The following LUZP2 variants were observed in gnomAD, a reference collection of about 807,000 sequenced individuals.
The protein encoded by LUZP2 is leucine zipper protein 2.
LUZP2 carries 52 observed loss-of-function variants against 51.6 expected under a neutral mutation model. The ratio of observed to expected loss-of-function variants is 1.01; its 90% CI spans 0.81 to 1.27. The LOEUF (loss-of-function observed/expected upper bound fraction) is 1.27. LUZP2 is among the 50% of genes most tolerant of loss of function. The pLI is 0.00. For synonymous variants in LUZP2, 154 were observed against 137.3 expected (o/e 1.12, Z -0.85); for missense variants, 436 against 395.4 (o/e 1.10, Z -0.87).
chr11:24,510,029 A>G (rs1406467680), intron 1 of LUZP2, among the ~76,000 whole-genome samples: 2 of 152,198 alleles, frequency 1.3e-5, no homozygotes, highest in African/African-American at 4.8e-5. Context: ...AACTCCTCAC[A>G]ACATCTTATG....
intron 7 of LUZP2, among the ~76,000 whole-genome samples, chr11:24,959,082 T>A (rs1441417204): frequency 6.6e-6 from 1 of 152,186 alleles, no homozygotes; most frequent in Non-Finnish European, 1.5e-5. Context: ...TGGCATTATT[T>A]CTGAGGGCTC....
intron 4 of LUZP2, among the ~76,000 whole-genome samples, chr11:24,751,111 A>G (rs967556681): frequency 2.6e-5 from 4 of 152,186 alleles, no homozygotes; most frequent in Non-Finnish European, 4.4e-5. Context: ...CATTAAATGC[A>G]TATTTATATT....
intron 1 of LUZP2, among the ~76,000 whole-genome samples, chr11:24,602,307 T>C (rs1853751126): frequency 6.8e-6 from 1 of 146,818 alleles, no homozygotes. Flanking sequence ...CATACATATA[T>C]ACACACATAT....
At chr11:24,918,311 A>G (rs1853868673) in intron 7 of LUZP2, among the ~76,000 whole-genome samples, 1 of 151,990 alleles carries the variant, frequency 6.6e-6, no homozygotes, top group Non-Finnish European at 1.5e-5. Context: ...TCTTTTCCTA[A>G]TTGAATACCC....
At chr11:24,877,878 G>A (rs1852322736) in intron 5 of LUZP2, among the ~76,000 whole-genome samples, 2 of 151,928 alleles carry the variant, frequency 1.3e-5, no homozygotes, top group Admixed American at 6.6e-5. Context: ...TCAGTGCCTG[G>A]CTTATTTTAC....
intron 5 of LUZP2, among the ~76,000 whole-genome samples, chr11:24,764,973 T>A (rs2134037117): frequency 6.6e-6 from 1 of 152,234 alleles, no homozygotes. Flanking sequence ...CCTACAGAAA[T>A]AATATCTGCT....
chr11:24,738,147 C>T (rs1859011393), intron 3 of LUZP2, 74 bp from the exon 4 acceptor site: 27 of 1,058,956 alleles, frequency 2.5e-5, no homozygotes, highest in South Asian at 4.5e-5. Context: ...AAAGCTCCTT[C>T]CTTTTATAAT....
intron 9 of LUZP2, among the ~76,000 whole-genome samples, chr11:24,996,306 A>G (rs901951928): frequency 1.3e-5 from 2 of 150,772 alleles, no homozygotes; most frequent in African/African-American, 2.4e-5. Context: ...TATTTCCTCT[A>G]TCTTTCTCTC....
intron 1 of LUZP2, among the ~76,000 whole-genome samples, chr11:24,623,437 T>G (rs1854571801): frequency 6.6e-6 from 1 of 152,168 alleles, no homozygotes; most frequent in Admixed American, 6.5e-5. Context: ...ATATAGAAGT[T>G]GAATGGAATT....
chr11:25,001,431 C>G (rs143292281), intron 9 of LUZP2, among the ~76,000 whole-genome samples: 30 of 152,132 alleles, frequency 2.0e-4, no homozygotes, highest in African/African-American at 7.0e-4. Context: ...CTAGATTTGT[C>G]AGACCTTTGT....
At chr11:25,059,047 A>T (rs1226215972) in intron 10 of LUZP2, among the ~76,000 whole-genome samples, 1 of 152,142 alleles carries the variant, frequency 6.6e-6, no homozygotes, top group African/African-American at 2.4e-5. Flanking sequence ...AGCTTGTCCC[A>T]TCTCTTATTT....
chr11:24,782,513 T>C (rs556235073), intron 5 of LUZP2, among the ~76,000 whole-genome samples: 25 of 152,090 alleles, frequency 1.6e-4, no homozygotes, highest in African/African-American at 6.0e-4. Context: ...AAATAGAGCA[T>C]CTGAAAAAAA....
At chr11:24,672,524 T>A (rs1436840894) in intron 1 of LUZP2, among the ~76,000 whole-genome samples, 1 of 152,184 alleles carries the variant, frequency 6.6e-6, no homozygotes, top group African/African-American at 2.4e-5. Flanking sequence ...CTCCTTAAGA[T>A]GAAGCGCATT....
At chr11:24,977,376 A>G (rs1009376178) in intron 8 of LUZP2, among the ~76,000 whole-genome samples, 4 of 151,718 alleles carry the variant, frequency 2.6e-5, no homozygotes, top group Non-Finnish European at 5.9e-5. Flanking sequence ...ATTTTTAAAA[A>G]TTACATACAA....
intron 5 of LUZP2, among the ~76,000 whole-genome samples, chr11:24,868,936 A>T (rs576935009): frequency 4.3e-4 from 66 of 152,278 alleles, no homozygotes; most frequent in African/African-American, 1.5e-3. Context: ...ACAAAATAGA[A>T]TTGTAGAGAG....
At chr11:24,916,941 G>A (rs1853808358) in intron 7 of LUZP2, among the ~76,000 whole-genome samples, 1 of 152,162 alleles carries the variant, frequency 6.6e-6, no homozygotes, top group South Asian at 2.1e-4. Flanking sequence ...CTAGTTGACA[G>A]TCCCATCAAC....
intron 5 of LUZP2, among the ~76,000 whole-genome samples, chr11:24,775,826 T>C (rs1191647330): frequency 6.6e-6 from 1 of 152,166 alleles, no homozygotes; most frequent in Non-Finnish European, 1.5e-5. Context: ...AGCTCTTTAC[T>C]CTTATGCCTT....
chr11:25,031,782 T>A (rs1470061167), intron 9 of LUZP2, among the ~76,000 whole-genome samples: 1 of 152,156 alleles, frequency 6.6e-6, no homozygotes, highest in East Asian at 1.9e-4. Context: ...CATATACCAT[T>A]GTTATTAGAA....
chr11:24,768,442 T>C (rs1376964641), intron 5 of LUZP2, among the ~76,000 whole-genome samples: 1 of 152,218 alleles, frequency 6.6e-6, no homozygotes, highest in East Asian at 1.9e-4. Context: ...AGTTGGATAA[T>C]GTTCAGGGCT....
Sources: gnomAD v4.1 joint callset for allele counts (sites outside exome capture counted in the v4.1 genomes callset) on GRCh38, gnomAD v4.1.1 for gene constraint, MANE v1.5 for transcripts, NCBI Gene and HGNC (gene_info 2026-07-23, HGNC 2026-07-21) for gene names.